The following CEP85L variants were observed in gnomAD, a reference collection of about 807,000 sequenced individuals.
CEP85L encodes centrosomal protein 85L, also known as centrosomal protein of 85 kDa-like.
CEP85L carries 60 observed loss-of-function variants against 100.3 expected under a neutral mutation model. The observed-to-expected ratio is 0.60, with a 90% CI of 0.49 to 0.74. The LOEUF (loss-of-function observed/expected upper bound fraction) is 0.74, where lower values mean the gene tolerates loss of function less well. Ranked by LOEUF, CEP85L falls within the 30% of genes least tolerant of loss-of-function variation. The probability of loss-of-function intolerance (pLI) is 0.00; values close to 1 mark genes in which losing one functional copy is unlikely to be tolerated. For missense variants in CEP85L, 973 were observed against 936.2 expected (o/e 1.04, Z -0.51); for synonymous variants, 319 against 322.7 (o/e 0.99, Z 0.12).
At chr6:118,483,575 G>C in intron 7 of CEP85L, 131 bp downstream of exon 7, 1 of 749,070 alleles carries the variant, frequency 1.3e-6, no homozygotes, top group South Asian at 1.9e-5. Context: ...GATAAACAAA[G>C]TTTCTTATTA....
chr6:118,629,759 A>G (rs1774022951), intron 2 of CEP85L, among the ~76,000 whole-genome samples: 1 of 152,234 alleles, frequency 6.6e-6, no homozygotes, highest in South Asian at 2.1e-4. Flanking sequence ...CCAACAGACT[A>G]CTGGACCCTC....
chr6:118,650,465 A>G (rs78416822), intron 1 of CEP85L, among the ~76,000 whole-genome samples: 1,923 of 152,308 alleles, frequency 0.013, 34 homozygotes, highest in African/African-American at 0.044. Context: ...CAGATACGGA[A>G]TGCAGCAAAC....
At chr6:118,582,713 T>C (rs1773754713) in intron 2 of CEP85L, among the ~76,000 whole-genome samples, 1 of 152,234 alleles carries the variant, frequency 6.6e-6, no homozygotes, top group Admixed American at 6.5e-5. Flanking sequence ...ACAGCCTTTA[T>C]GGAAAGGCTA....
chr6:118,532,060 G>A (rs867106107), intron 3 of CEP85L, among the ~76,000 whole-genome samples: 2 of 152,030 alleles, frequency 1.3e-5, no homozygotes, highest in Middle Eastern at 3.2e-3. Context: ...CATGTTCATC[G>A]CAGCACTATT....
intron 10 of CEP85L, among the ~76,000 whole-genome samples, chr6:118,477,599 T>G (rs988880664): frequency 4.6e-5 from 7 of 152,132 alleles, no homozygotes; most frequent in Non-Finnish European, 1.0e-4. Flanking sequence ...AATAACTTGC[T>G]TGTTCCCAAG....
chr6:118,624,704 G>A (rs1410882955), intron 2 of CEP85L, among the ~76,000 whole-genome samples: 2 of 152,206 alleles, frequency 1.3e-5, no homozygotes, highest in Admixed American at 1.3e-4. Flanking sequence ...AAGGACAAAT[G>A]ACCCAGTCCA....
At chr6:118,564,447 T>G (rs1779388100) in intron 3 of CEP85L, among the ~76,000 whole-genome samples, 1 of 152,264 alleles carries the variant, frequency 6.6e-6, no homozygotes, top group Non-Finnish European at 1.5e-5. Context: ...AAATTTCTAA[T>G]TCAATCATAA....
chr6:118,508,768 T>G (rs998453345), intron 5 of CEP85L, among the ~76,000 whole-genome samples: 1 of 151,794 alleles, frequency 6.6e-6, no homozygotes, highest in Non-Finnish European at 1.5e-5. Context: ...AAAGCATAAT[T>G]TTCTTTGTCT....
At chr6:118,651,152 C>A in intron 1 of CEP85L, 45 bp downstream of exon 1, 1 of 1,466,942 alleles carries the variant, frequency 6.8e-7, no homozygotes, top group South Asian at 1.3e-5. Flanking sequence ...GCGCCGCGGT[C>A]GGCCGTGACC....
At chr6:118,585,665 C>T (rs1371482533) in intron 2 of CEP85L, among the ~76,000 whole-genome samples, 2 of 152,214 alleles carry the variant, frequency 1.3e-5, no homozygotes, top group Non-Finnish European at 2.9e-5. Context: ...AAGTGCTTCA[C>T]CAAGCTTTTC....
intron 3 of CEP85L, among the ~76,000 whole-genome samples, chr6:118,535,802 G>T (rs1041857622): frequency 6.6e-6 from 1 of 151,852 alleles, no homozygotes; most frequent in Non-Finnish European, 1.5e-5. Flanking sequence ...CTCTCATATT[G>T]TTATAATTAT....
intron 2 of CEP85L, among the ~76,000 whole-genome samples, chr6:118,605,750 G>A (rs927442279): frequency 2.6e-5 from 4 of 152,098 alleles, no homozygotes; most frequent in African/African-American, 9.7e-5. Context: ...CCATGGCTCG[G>A]GCCTGTAATC....
At chr6:118,648,315 G>GA (rs1334146069) in intron 1 of CEP85L, among the ~76,000 whole-genome samples, 2 of 152,116 alleles carry the variant, frequency 1.3e-5, no homozygotes, top group Non-Finnish European at 2.9e-5. Context: ...CCAAAAAGCT[G>GA]AAAAATGGGA....
rs971182588 is a variant in CEP85L, at chr6:118,529,400, G to A, written c.1021-5480C>T. On this transcript the variant is annotated intron_variant, in intron 3 of 12. Transcript: ENST00000368491. The stretch of plus-strand genomic sequence containing the variant: ...AGGTGGGTGGATCACAAGGTCAGGA[G>A]ATCGAGACCATCCTGGCTAACACTG... 2.0e-5 allele frequency among the ~76,000 whole-genome samples: 3 copies of A among 152,030 alleles called. No individual in the cohort carries two copies. The South Asian group carries it at 6.2e-4, about 32-fold the overall frequency.
Position 118,462,921 on chromosome 6 carries a change from C to T in CEP85L, c.*2484G>A, listed in dbSNP as rs1467127510. The T allele has an allele frequency of 6.6e-6, 1 of 151,924 alleles. No individual in the cohort carries two copies. Among genetic ancestry groups the T allele is most frequent in the East Asian group, 1.9e-4 (1 of 5,190 alleles). 9.4% of individuals were successfully genotyped at this position (151,924 alleles called of 1,614,324 possible). On this transcript the variant is annotated 3_prime_UTR_variant, in exon 13 of 13. Coordinates refer to ENST00000368491, the MANE Select transcript of CEP85L (RefSeq NM_001042475.3). Reference sequence around the variant, plus strand: ...CACAAAATCCCTCCAAGTCTATCTACTGTTTATGTAGGCCCCTTTACAAAC... The same window carrying T: ...CACAAAATCCCTCCAAGTCTATCTATTGTTTATGTAGGCCCCTTTACAAAC...
Position 118,565,981 on chromosome 6 carries a change from T to C in CEP85L, c.568A>G (p.Lys190Glu). The change falls in exon 3 of 13, where the codon AAG becomes GAG. Residue 190 changes from lysine (K) to glutamate (E), a missense_variant. By Grantham distance (56) the Lys-to-Glu change is moderately conservative (BLOSUM62 1). Around this residue, in one of 3 missense-constraint regions of CEP85L, gnomAD observed 890 missense variants for 844.5 expected, o/e 1.05. Coordinates refer to ENST00000368491, the MANE Select transcript of CEP85L (RefSeq NM_001042475.3). ...RNGLEKIGKAKALTSQLRTIG... is the reference protein window; with the variant it reads ...RNGLEKIGKAEALTSQLRTIG... ...GTCCTCAGTTGTGATGTTAAAGCCT[T>C]AGCCTTCCCTATCTTCTCCAAACCA... 6.2e-7 allele frequency: 1 copy of C among 1,614,206 alleles called. No individual in the cohort carries two copies. Among genetic ancestry groups the C allele is most frequent in the East Asian group, 2.2e-5 (1 of 44,888 alleles).
At chr6:118,567,284 T>G (rs1041423596) in intron 2 of CEP85L, among the ~76,000 whole-genome samples, 8 of 131,878 alleles carry the variant, frequency 6.1e-5, no homozygotes, top group Admixed American at 4.6e-4. Flanking sequence ...TATATATATA[T>G]ATATCCATAT....
chr6:118,709,282 T>A (rs1777702734), intron 1 of CEP85L, among the ~76,000 whole-genome samples: 2 of 152,144 alleles, frequency 1.3e-5, no homozygotes, highest in African/African-American at 4.8e-5. Context: ...AACCTACATT[T>A]GCCCATTTCC....
intron 5 of CEP85L, among the ~76,000 whole-genome samples, chr6:118,507,238 C>T (rs534286078): frequency 6.6e-6 from 1 of 152,330 alleles, no homozygotes; most frequent in East Asian, 1.9e-4. Flanking sequence ...ATTAGGCAAT[C>T]ATTCTCTCAC....
Sources: allele counts gnomAD v4.1 joint callset (sites outside exome capture counted in the v4.1 genomes callset), GRCh38; gene constraint gnomAD v4.1.1; regional missense constraint gnomAD v4.1.1; transcripts MANE v1.5; gene names NCBI Gene and HGNC (gene_info 2026-07-23, HGNC 2026-07-21).